The following DPF3 variants were observed in gnomAD, a reference collection of about 807,000 sequenced individuals.
DPF3 encodes the protein double PHD fingers 3.
Under a neutral mutation model 56.8 loss-of-function variants are expected in DPF3, and 18 were observed. The ratio of observed to expected loss-of-function variants is 0.32; its 90% CI spans 0.22 to 0.47. The LOEUF (loss-of-function observed/expected upper bound fraction) is 0.47, where lower values mean the gene tolerates loss of function less well. DPF3 is among the 20% of genes least tolerant of loss of function. DPF3 has a pLI of 1.00. For missense variants in DPF3, 403 were observed against 488.8 expected (o/e 0.82, Z 1.65); for synonymous variants, 188 against 180.2 (o/e 1.04, Z -0.35).
At chr14:72,765,731 A>G (rs1421473734) in intron 2 of DPF3, among the ~76,000 whole-genome samples, 1 of 152,186 alleles carries the variant, frequency 6.6e-6, no homozygotes, top group Non-Finnish European at 1.5e-5. Context: ...GTGGATCACG[A>G]GGTCAGGAGA....
At chr14:72,819,201 T>G (rs1883421660) in intron 1 of DPF3, among the ~76,000 whole-genome samples, 1 of 152,244 alleles carries the variant, frequency 6.6e-6, no homozygotes, top group African/African-American at 2.4e-5. Context: ...TAATGTCACC[T>G]GCTGGTGAGA....
intron 7 of DPF3, among the ~76,000 whole-genome samples, chr14:72,674,640 G>T (rs1272028105): frequency 6.6e-6 from 1 of 152,206 alleles, no homozygotes; most frequent in Non-Finnish European, 1.5e-5. Context: ...TGCATCCTTA[G>T]ATGATCAAAC....
intron 1 of DPF3, among the ~76,000 whole-genome samples, chr14:72,878,273 T>C (rs954969777): frequency 1.3e-5 from 2 of 152,166 alleles, no homozygotes; most frequent in Non-Finnish European, 2.9e-5. Context: ...GATACGCTGG[T>C]ATCTCTATCT....
chr14:72,670,970 G>C lies in DPF3; in HGVS notation c.871+3270C>G. On this transcript the variant is annotated intron_variant, in intron 8 of 10. Transcript: ENST00000556509. ...CTGTTGTACATACCCAAAACAGAGGGGTGGGGGGAGGGATGGAGGGACACG... is the reference window on the plus strand; with the variant it reads ...CTGTTGTACATACCCAAAACAGAGGCGTGGGGGGAGGGATGGAGGGACACG... 4.7e-6 allele frequency: 3 copies of C among 643,034 alleles called. No homozygotes were observed. The African/African-American group carries it at 6.5e-5, about 14-fold the overall frequency. 39.8% of individuals were successfully genotyped at this position (643,034 alleles called of 1,614,324 possible).
intron 1 of DPF3, chr14:72,805,898 A>G (rs1249827426): frequency 6.6e-6 from 1 of 152,160 alleles, no homozygotes; most frequent in East Asian, 1.9e-4. Flanking sequence ...GGTGTTTCCT[A>G]GCACATCTCT....
rs910386758 is a variant in DPF3 at position 72,731,351 on chromosome 14, G to A, written c.429+456C>T. The A allele has an allele frequency of 1.5e-4, 23 of 158,528 alleles. No individual in the cohort carries two copies. The South Asian group carries it at 2.0e-3, about 14-fold the overall frequency. The allele number at this position is 158,528 out of a possible 1,614,324, so 9.8% of individuals were successfully genotyped here. On this transcript the variant is annotated intron_variant, in intron 4 of 10. Transcript: ENST00000556509. ...GGATGGCTGGGCACTGCTGGGAAACGGAGTGTGCAGTCATGGGGACCGGTG... is the reference window on the plus strand; with the variant it reads ...GGATGGCTGGGCACTGCTGGGAAACAGAGTGTGCAGTCATGGGGACCGGTG...
intron 8 of DPF3, among the ~76,000 whole-genome samples, chr14:72,635,811 G>C (rs1885367636): frequency 6.6e-6 from 1 of 152,062 alleles, no homozygotes; most frequent in Non-Finnish European, 1.5e-5. Flanking sequence ...ATTATCACCG[G>C]TATTTAATTT....
At chr14:72,666,314 T>G (rs1018740684) in intron 8 of DPF3, among the ~76,000 whole-genome samples, 12 of 152,210 alleles carry the variant, frequency 7.9e-5, no homozygotes, top group African/African-American at 2.9e-4. Context: ...GATTCTAATG[T>G]GTCATAGTTT....
intron 1 of DPF3, among the ~76,000 whole-genome samples, chr14:72,828,443 CAAGAGGATCGCTTG>C (rs1304622540): frequency 6.8e-6 from 1 of 147,088 alleles, no homozygotes; most frequent in Non-Finnish European, 1.5e-5. Context: ...GAGGCCAAGG[CAAGAGGATCGCTTG>C]AGCCTGGGAG....
At chr14:72,775,927 C>T (rs937184314) in intron 1 of DPF3, among the ~76,000 whole-genome samples, 32 of 151,192 alleles carry the variant, frequency 2.1e-4, no homozygotes, top group African/African-American at 7.1e-4. Context: ...CTCCCTAACC[C>T]GTAGAAAGCA....
At chr14:72,747,712 G>A (rs578259524) in intron 3 of DPF3, among the ~76,000 whole-genome samples, 13 of 151,790 alleles carry the variant, frequency 8.6e-5, no homozygotes, top group African/African-American at 2.4e-4. Context: ...TAATTCCCAC[G>A]TGGGAGGGAC....
intron 3 of DPF3, among the ~76,000 whole-genome samples, chr14:72,750,791 C>CAAAAAAAA (rs35754238): frequency 3.0e-4 from 20 of 65,942 alleles, no homozygotes; most frequent in African/African-American, 1.2e-3. Context: ...GAAAGAATCT[C>CAAAAAAAA]AAAAAAAAAA....
intron 5 of DPF3, among the ~76,000 whole-genome samples, chr14:72,723,185 C>G (rs1599385284): frequency 6.6e-6 from 1 of 151,988 alleles, no homozygotes; most frequent in South Asian, 2.1e-4. Context: ...ATCCCTCCCC[C>G]CAGCCCCTAT....
chr14:72,763,571 C>T (rs1428905632), intron 2 of DPF3, among the ~76,000 whole-genome samples: 1 of 151,876 alleles, frequency 6.6e-6, no homozygotes, highest in Non-Finnish European at 1.5e-5. Flanking sequence ...TACTTTGTAC[C>T]ATATACAAAA....
rs559025810 is a variant in DPF3, at chr14:72,612,657, C to G, written c.*6640G>C. The G allele has an allele frequency of 9.7e-6, 5 of 516,810 alleles. No homozygotes were observed. The highest frequency in any genetic ancestry group is 7.0e-5 in the South Asian group (5 of 71,378). The allele number at this position is 516,810 out of a possible 1,614,324, so 32.0% of individuals were successfully genotyped here. On this transcript the variant is annotated 3_prime_UTR_variant, in exon 11 of 11. Coordinates refer to ENST00000556509, the MANE Select transcript of DPF3 (RefSeq NM_001280542.3). ...GGGGAGTAGACATGGAAGGGCAAACCAAGTCCGTATAAACCACAAACCCCA... is the reference window on the plus strand; with the variant it reads ...GGGGAGTAGACATGGAAGGGCAAACGAAGTCCGTATAAACCACAAACCCCA...
chr14:72,838,719 T>C (rs72625696), intron 1 of DPF3, among the ~76,000 whole-genome samples: 26,809 of 149,374 alleles, frequency 0.18, 2,949 homozygotes, highest in East Asian at 0.42. Flanking sequence ...ATCACACCAC[T>C]GCACTTCATC....
At chr14:72,709,344 A>G (rs1164154407) in intron 6 of DPF3, among the ~76,000 whole-genome samples, 1 of 152,150 alleles carries the variant, frequency 6.6e-6, no homozygotes, top group Non-Finnish European at 1.5e-5. Context: ...AGCCATGTCT[A>G]TTTGCCTTTT....
In DPF3 at chr14:72,609,671, G is replaced by A. The variant is rs1883608207; in HGVS notation, c.*9626C>T. ...CAAGGGTGGCACACACACCTACAGA[G>A]ACCGCAACCACATCACAGTGAAGGA... On this transcript the variant is annotated 3_prime_UTR_variant, in exon 11 of 11. Transcript: ENST00000556509. Among the ~76,000 whole-genome samples, 1 of 152,198 alleles carries A rather than the reference G, an allele frequency of 6.6e-6. No individual in the cohort carries two copies. The highest frequency in any genetic ancestry group is 2.4e-5 in the African/African-American group (1 of 41,442).
chr14:72,756,879 AAGAAGG>A (rs1890834407), intron 2 of DPF3, among the ~76,000 whole-genome samples: 1 of 137,092 alleles, frequency 7.3e-6, no homozygotes, highest in Non-Finnish European at 1.5e-5. Context: ...AAAGGAAGGA[AAGAAGG>A]AAAGAAAGAA....
Sources: allele counts gnomAD v4.1 joint callset (sites outside exome capture counted in the v4.1 genomes callset), GRCh38; gene constraint gnomAD v4.1.1; transcripts MANE v1.5; gene names NCBI Gene and HGNC (gene_info 2026-07-23, HGNC 2026-07-21).